RUNX2: variants seen among roughly 807,000 people sequenced by gnomAD.
RUNX2 encodes runt-related transcription factor 2.
Under a neutral mutation model 51.7 loss-of-function variants are expected in RUNX2, and 10 were observed. The ratio of observed to expected loss-of-function variants is 0.19; its 90% CI spans 0.12 to 0.33. The LOEUF is 0.33. Ranked by LOEUF, RUNX2 falls within the 10% of genes least tolerant of loss-of-function variation. The probability of loss-of-function intolerance (pLI) is 1.00; values close to 1 mark genes in which losing one functional copy is unlikely to be tolerated. For synonymous variants in RUNX2, 276 were observed against 273.6 expected (o/e 1.01, Z -0.09); for missense variants, 562 against 691.3 (o/e 0.81, Z 2.10).
chr6:45,397,203 A>G (rs1852984), intron 2 of RUNX2, among the ~76,000 whole-genome samples: 26,567 of 151,376 alleles, frequency 0.18, 2,883 homozygotes, highest in Non-Finnish European at 0.25. Flanking sequence ...TCCAGGGTTC[A>G]TGCCATTCTC....
chr6:45,397,566 GGTGTGAAATC>G, intron 2 of RUNX2, among the ~76,000 whole-genome samples: 1 of 152,074 alleles, frequency 6.6e-6, no homozygotes, highest in Non-Finnish European at 1.5e-5. Flanking sequence ...CATCCCAGTG[GGTGTGAAATC>G]GTGTCTCATA....
chr6:45,353,340 T>C lies in RUNX2; in HGVS notation c.58+24556T>C, dbSNP rs142901204. 9.0e-3 allele frequency among the ~76,000 whole-genome samples: 1,377 copies of C among 152,162 alleles called. 14 individuals carry two copies. Among genetic ancestry groups the C allele is most frequent in the South Asian group, 0.028 (137 of 4,828 alleles). ...ATAAAAATAGGAAAAGAGTCAAAAATATTTTAAAAAGAAAAGTTATGCGGA... is the reference window on the plus strand; with the variant it reads ...ATAAAAATAGGAAAAGAGTCAAAAACATTTTAAAAAGAAAAGTTATGCGGA... On this transcript the variant is annotated intron_variant, in intron 2 of 8. Transcript: ENST00000647337.
chr6:45,460,442 C>A (rs144462406), intron 5 of RUNX2, among the ~76,000 whole-genome samples: 1 of 152,252 alleles, frequency 6.6e-6, no homozygotes, highest in East Asian at 1.9e-4. Flanking sequence ...TTCAAAAGAT[C>A]ATTTGTTGAA....
chr6:45,329,978 T>C (rs1274716634), intron 2 of RUNX2, among the ~76,000 whole-genome samples: 2 of 151,894 alleles, frequency 1.3e-5, no homozygotes, highest in Admixed American at 1.3e-4. Flanking sequence ...TGGAGTTTCC[T>C]TTACTCCTCC....
intron 7 of RUNX2, among the ~76,000 whole-genome samples, chr6:45,522,947 A>G (rs949049577): frequency 6.6e-6 from 1 of 152,216 alleles, no homozygotes; most frequent in African/African-American, 2.4e-5. Context: ...ACTATGCAAT[A>G]TGTTACGGAA....
chr6:45,334,742 A>G (rs1788219297), intron 2 of RUNX2, among the ~76,000 whole-genome samples: 1 of 151,160 alleles, frequency 6.6e-6, no homozygotes, highest in Non-Finnish European at 1.5e-5. Context: ...CAGAACTTGT[A>G]ATAATGATTA....
In RUNX2 at chr6:45,548,713, A is replaced by C; in HGVS notation, c.*1408A>C. 6.3e-6 allele frequency: 1 copy of C among 158,648 alleles called. No homozygotes were observed. 9.8% of individuals were successfully genotyped at this position (158,648 alleles called of 1,614,324 possible). A position where few individuals can be genotyped will look rare whatever the true frequency, so the allele number is the denominator to read the frequency against. ...CTTCATAGCAAAGACATAGTCAGCT[A>C]AAAGCCGCACATGTGGATAGAGGGT... On this transcript the variant is annotated 3_prime_UTR_variant, in exon 9 of 9. Transcript: ENST00000647337.
intron 2 of RUNX2, among the ~76,000 whole-genome samples, chr6:45,420,080 G>C (rs936297346): frequency 6.6e-6 from 1 of 152,114 alleles, no homozygotes; most frequent in South Asian, 2.1e-4. Flanking sequence ...GAAGGACAGA[G>C]TAGTATCCCC....
At chr6:45,483,394 C>T (rs1239996270) in intron 5 of RUNX2, among the ~76,000 whole-genome samples, 2 of 151,390 alleles carry the variant, frequency 1.3e-5, no homozygotes, top group African/African-American at 2.4e-5. Context: ...GACAAAAGTA[C>T]AGATAATTTT....
intron 7 of RUNX2, among the ~76,000 whole-genome samples, chr6:45,524,287 T>C (rs1801600839): frequency 6.6e-6 from 1 of 152,212 alleles, no homozygotes; most frequent in African/African-American, 2.4e-5. Context: ...AAAAATAAAA[T>C]GCTGCACAGG....
intron 6 of RUNX2, among the ~76,000 whole-genome samples, chr6:45,510,152 A>T (rs186512483): frequency 6.6e-6 from 1 of 152,374 alleles, no homozygotes; most frequent in East Asian, 1.9e-4. Context: ...AACAAGGACC[A>T]GTCACTCAGA....
intron 2 of RUNX2, among the ~76,000 whole-genome samples, chr6:45,360,848 C>T (rs1039248674): frequency 3.3e-5 from 5 of 152,174 alleles, no homozygotes; most frequent in African/African-American, 9.7e-5. Flanking sequence ...AGAAGAGTTC[C>T]TCATTCCCTC....
intron 2 of RUNX2, among the ~76,000 whole-genome samples, chr6:45,413,811 A>G (rs1798005815): frequency 6.6e-6 from 1 of 152,122 alleles, no homozygotes; most frequent in South Asian, 2.1e-4. Context: ...AAAAATAAAG[A>G]TGCTCGTAAT....
chr6:45,367,411 T>C (rs1410541164), intron 2 of RUNX2, among the ~76,000 whole-genome samples: 2 of 151,790 alleles, frequency 1.3e-5, no homozygotes, highest in African/African-American at 4.8e-5. Context: ...AGTACTTTTC[T>C]CTACAAATAA....
chr6:45,443,036 C>CTTTTTT (rs10564853), intron 5 of RUNX2, among the ~76,000 whole-genome samples: 3 of 52,204 alleles, frequency 5.7e-5, no homozygotes, highest in African/African-American at 9.4e-5. Context: ...TCAGGCCTTG[C>CTTTTTT]TTTTTTTTTT....
At position 45,507,336 on chromosome 6, in the gene RUNX2, G is replaced by T. The variant is rs1482537075; in HGVS notation, c.860-4910G>T. Among the ~76,000 whole-genome samples, 3 of 152,242 alleles carry T rather than the reference G, an allele frequency of 2.0e-5. No homozygotes were observed. In the East Asian group the frequency reaches 5.8e-4, roughly 29 times the overall value. ...GCTAGGCCTTGTATCTTTCCTATTAGTAACTTTAGGATTGACTGATGATGC... is the reference window on the plus strand; with the variant it reads ...GCTAGGCCTTGTATCTTTCCTATTATTAACTTTAGGATTGACTGATGATGC... On this transcript the variant is annotated intron_variant, in intron 6 of 8. Coordinates refer to ENST00000647337, the MANE Select transcript of RUNX2 (RefSeq NM_001024630.4).
At chr6:45,401,054 T>G (rs1307598162) in intron 2 of RUNX2, among the ~76,000 whole-genome samples, 1 of 152,166 alleles carries the variant, frequency 6.6e-6, no homozygotes, top group African/African-American at 2.4e-5. Context: ...TTATTGGAAA[T>G]TTTTCGTAAT....
intron 2 of RUNX2, among the ~76,000 whole-genome samples, chr6:45,364,496 CACCTTATACAG>C: frequency 6.6e-6 from 1 of 152,270 alleles, no homozygotes; most frequent in South Asian, 2.1e-4. Flanking sequence ...TCTTGCCCCC[CACCTTATACAG>C]ACAAAATTGT....
At chr6:45,343,562 T>C (rs1790262068) in intron 2 of RUNX2, among the ~76,000 whole-genome samples, 1 of 152,180 alleles carries the variant, frequency 6.6e-6, no homozygotes, top group Non-Finnish European at 1.5e-5. Context: ...GAGAAGGTCC[T>C]ATGTACATAA....
Sources: allele counts gnomAD v4.1 joint callset (sites outside exome capture counted in the v4.1 genomes callset), GRCh38; gene constraint gnomAD v4.1.1; transcripts MANE v1.5; gene names NCBI Gene and HGNC (gene_info 2026-07-23, HGNC 2026-07-21).